MAGI2: variants seen among roughly 807,000 people sequenced by gnomAD.
The protein encoded by MAGI2 is membrane-associated guanylate kinase, WW and PDZ domain-containing protein 2.
MAGI2 carries 35 observed loss-of-function variants against 133.3 expected under a neutral mutation model. The ratio of observed to expected loss-of-function variants is 0.26; its 90% CI spans 0.20 to 0.35. The LOEUF (loss-of-function observed/expected upper bound fraction) is 0.35, where lower values mean the gene tolerates loss of function less well. Ranked by LOEUF, MAGI2 falls within the 10% of genes least tolerant of loss-of-function variation. The probability of loss-of-function intolerance (pLI) is 1.00; values close to 1 mark genes in which losing one functional copy is unlikely to be tolerated. For synonymous variants in MAGI2, 729 were observed against 710.6 expected (o/e 1.03, Z -0.41); for missense variants, 1,636 against 1,863.4 (o/e 0.88, Z 2.25).
At chr7:78,044,679 G>C (rs113067527) in intron 21 of MAGI2, among the ~76,000 whole-genome samples, 402 of 48,966 alleles carry the variant, frequency 8.2e-3, no homozygotes, top group African/African-American at 0.057. Context: ...CTAATGTACC[G>C]TGTGTGTGTG....
intron 1 of MAGI2, among the ~76,000 whole-genome samples, chr7:79,383,088 G>T (rs1843915398): frequency 6.6e-6 from 1 of 151,616 alleles, no homozygotes; most frequent in Non-Finnish European, 1.5e-5. Context: ...ATTCTAATGA[G>T]CATATTAAAA....
chr7:78,563,455 T>C (rs1207764659), intron 3 of MAGI2, among the ~76,000 whole-genome samples: 7 of 152,290 alleles, frequency 4.6e-5, no homozygotes, highest in South Asian at 2.1e-4. Context: ...CAAAGCCACA[T>C]TGATTCTAGG....
intron 3 of MAGI2, among the ~76,000 whole-genome samples, chr7:78,611,571 GT>G (rs774274049): frequency 9.9e-5 from 15 of 152,162 alleles, no homozygotes; most frequent in Admixed American, 2.0e-4. Context: ...AGAAATTGTT[GT>G]TTTTGCTGAA....
At chr7:78,340,699 C>G (rs1401335456) in intron 9 of MAGI2, among the ~76,000 whole-genome samples, 2 of 152,116 alleles carry the variant, frequency 1.3e-5, no homozygotes, top group African/African-American at 4.8e-5. Context: ...GAATCAATGA[C>G]AAAAACCACA....
At chr7:78,226,253 C>G (rs1020894697) in intron 10 of MAGI2, among the ~76,000 whole-genome samples, 1 of 151,762 alleles carries the variant, frequency 6.6e-6, no homozygotes, top group Non-Finnish European at 1.5e-5. Flanking sequence ...CGAATGGTGC[C>G]CCCTACCGGT....
chr7:78,256,669 GGT>G (rs1793013654), intron 9 of MAGI2, 88 bp from the exon 10 acceptor site: 12 of 1,106,840 alleles, frequency 1.1e-5, no homozygotes, highest in Middle Eastern at 2.2e-4. Flanking sequence ...ACTAGTGAGA[GGT>G]GTTGTTTCTT....
At chr7:78,187,996 C>T (rs558776388) in intron 12 of MAGI2, among the ~76,000 whole-genome samples, 1 of 152,136 alleles carries the variant, frequency 6.6e-6, no homozygotes, top group Non-Finnish European at 1.5e-5. Context: ...TACTCCTCCC[C>T]CTGCCTTTAT....
chr7:78,114,136 G>A (rs868478911), intron 20 of MAGI2, among the ~76,000 whole-genome samples: 2 of 152,152 alleles, frequency 1.3e-5, no homozygotes, highest in African/African-American at 2.4e-5. Context: ...TTACTAGCTC[G>A]TTATTTCCTT....
At chr7:78,070,789 C>A (rs1814606269) in intron 21 of MAGI2, among the ~76,000 whole-genome samples, 1 of 152,064 alleles carries the variant, frequency 6.6e-6, no homozygotes. Context: ...ATTACAGGCA[C>A]ATGCCACCAC....
At position 79,453,518 on chromosome 7, in the gene MAGI2, G is replaced by A. The variant is rs906453865; in HGVS notation, c.-198C>T. The A allele has an allele frequency of 7.2e-6, 10 of 1,389,808 alleles. No homozygotes were observed. The highest frequency in any genetic ancestry group is 5.6e-6 in the Non-Finnish European group (6 of 1,076,712). The allele number at this position is 1,389,808 out of a possible 1,614,324, so 86.1% of individuals were successfully genotyped here. On this transcript the variant is annotated 5_prime_UTR_variant, in exon 1 of 22. Transcript: ENST00000354212. ...TGGGGAGGATGAGAGGGACGGCTGG[G>A]CAGAGGTAGGAGAGCTTGGATGAGG... is the stretch of plus-strand genomic sequence containing the variant.
chr7:79,005,138 A>C, intron 2 of MAGI2, among the ~76,000 whole-genome samples: 1 of 151,928 alleles, frequency 6.6e-6, no homozygotes, highest in East Asian at 1.9e-4. Context: ...ATCCAGGTCA[A>C]TTAATCAGTA....
chr7:78,395,520 A>G lies in MAGI2; in HGVS notation c.1046-26307T>C, dbSNP rs28609495. ...AATCAGCCATTTGAATAGCAGGCTGAGGGGGTAGTCTGCATTTTATGCATT... is the reference window on the plus strand; with the variant it reads ...AATCAGCCATTTGAATAGCAGGCTGGGGGGGTAGTCTGCATTTTATGCATT... On this transcript the variant is annotated intron_variant, in intron 6 of 21. Coordinates refer to ENST00000354212, the MANE Select transcript of MAGI2 (RefSeq NM_012301.4). Among the ~76,000 whole-genome samples the G allele has an allele frequency of 5.1e-3, 774 of 152,260 alleles. 9 individuals carry two copies. Among genetic ancestry groups the G allele is most frequent in the African/African-American group, 0.017 (719 of 41,564 alleles).
At chr7:78,527,006 C>CAAAAAAAAAGAAAAAAAAA (rs1797013899) in intron 3 of MAGI2, among the ~76,000 whole-genome samples, 1 of 45,414 alleles carries the variant, frequency 2.2e-5, no homozygotes, top group Non-Finnish European at 4.4e-5. Context: ...GACTCCATCT[C>CAAAAAAAAAGAAAAAAAAA]AAAAAAAAAA....
chr7:79,324,676 A>G (rs1839532999), intron 1 of MAGI2, among the ~76,000 whole-genome samples: 1 of 13,658 alleles, frequency 7.3e-5, no homozygotes, highest in Non-Finnish European at 2.0e-4. Context: ...TAAAATATAT[A>G]TATATTATAT....
chr7:78,710,071 C>A (rs1001829949), intron 2 of MAGI2, among the ~76,000 whole-genome samples: 1 of 152,142 alleles, frequency 6.6e-6, no homozygotes, highest in Non-Finnish European at 1.5e-5. Flanking sequence ...GGACCTTTCA[C>A]GAGAGTTGCC....
chr7:78,210,477 G>T (rs767277558), intron 10 of MAGI2, among the ~76,000 whole-genome samples: 10 of 152,176 alleles, frequency 6.6e-5, no homozygotes, highest in Non-Finnish European at 1.3e-4. Flanking sequence ...AAAAAAAGAG[G>T]CTTGTTTGAG....
chr7:78,340,592 A>C (rs1790266566), intron 9 of MAGI2, among the ~76,000 whole-genome samples: 1 of 152,242 alleles, frequency 6.6e-6, no homozygotes. Context: ...GCAGCACATC[A>C]AAAAGCTTTT....
chr7:78,695,551 T>C (rs1452026890), intron 2 of MAGI2, among the ~76,000 whole-genome samples: 1 of 152,238 alleles, frequency 6.6e-6, no homozygotes, highest in Admixed American at 6.5e-5. Flanking sequence ...AGTCATATTT[T>C]GGGGTTTCTA....
chr7:78,109,692 C>T (rs1033102604), intron 20 of MAGI2, among the ~76,000 whole-genome samples: 7 of 152,128 alleles, frequency 4.6e-5, no homozygotes, highest in Non-Finnish European at 1.0e-4. Context: ...CAAGCAAAGG[C>T]AGGCTGTTGA....
Sources: allele counts gnomAD v4.1 joint callset (sites outside exome capture counted in the v4.1 genomes callset), GRCh38; gene constraint gnomAD v4.1.1; transcripts MANE v1.5; gene names NCBI Gene and HGNC (gene_info 2026-07-23, HGNC 2026-07-21).